RBFOX3: variants seen among roughly 807,000 people sequenced by gnomAD.
RBFOX3 encodes the protein RNA binding protein fox-1 homolog 3.
Under a neutral mutation model 48.7 loss-of-function variants are expected in RBFOX3, and 17 were observed. The observed-to-expected ratio is 0.35, with a 90% CI of 0.24 to 0.52. RBFOX3 has a LOEUF of 0.52. Among genes scored for constraint, RBFOX3 ranks in the 20% least tolerant of loss-of-function variants. The probability of loss-of-function intolerance (pLI) is 0.94; values close to 1 mark genes in which losing one functional copy is unlikely to be tolerated. For synonymous variants in RBFOX3, 212 were observed against 209.5 expected, an observed-to-expected ratio of 1.01 and a Z score of -0.10; for missense variants, 382 against 497.5, an observed-to-expected ratio of 0.77 and a Z score of 2.21.
At position 79,571,560 on chromosome 17, in the gene RBFOX3, G is replaced by T. The variant is rs1341337587; in HGVS notation, c.-320+39266C>A. ...CACTCTCTTCCATCACAGAAATTCAGATTTAAATGGAAGTGTACCAGGATA... is the reference window on the plus strand; with the variant it reads ...CACTCTCTTCCATCACAGAAATTCATATTTAAATGGAAGTGTACCAGGATA... On this transcript the variant is annotated intron_variant, in intron 1 of 14. Coordinates refer to ENST00000693108, the MANE Select transcript of RBFOX3 (RefSeq NM_001350451.2). Among the ~76,000 whole-genome samples, 123 of 134,046 alleles carry T rather than the reference G, an allele frequency of 9.2e-4. 5 individuals carry two copies. The Admixed American group carries it at 0.011, about 12-fold the overall frequency. The allele number at this position is 134,046 out of a possible 152,430, so 87.9% of individuals were successfully genotyped here. A position where few individuals can be genotyped will look rare whatever the true frequency, so the allele number is the denominator to read the frequency against.
chr17:79,439,693 T>G (rs1187587175), intron 2 of RBFOX3, among the ~76,000 whole-genome samples: 1 of 152,230 alleles, frequency 6.6e-6, no homozygotes, highest in Non-Finnish European at 1.5e-5. Flanking sequence ...CACACGTGCC[T>G]CTGCACATGC....
the RBFOX3 span, among the ~76,000 whole-genome samples, chr17:79,617,474 A>C: frequency 2.6e-5 from 4 of 151,920 alleles, no homozygotes; most frequent in Non-Finnish European, 5.9e-5. Flanking sequence ...CTGAATCACA[A>C]ACAGCCAGGC....
intron 1 of RBFOX3, among the ~76,000 whole-genome samples, chr17:79,558,387 G>C (rs1055786131): frequency 5.1e-4 from 77 of 152,352 alleles, no homozygotes; most frequent in Non-Finnish European, 2.6e-4. Flanking sequence ...CTGGCAGACA[G>C]CAGGGAACCG....
intron 2 of RBFOX3, among the ~76,000 whole-genome samples, chr17:79,428,712 C>T (rs1242517775): frequency 9.2e-5 from 14 of 152,202 alleles, no homozygotes; most frequent in Admixed American, 3.3e-4. Flanking sequence ...GCTCACGTCC[C>T]CAGCAGGACG....
chr17:79,471,532 G>A lies in RBFOX3; in HGVS notation c.-175+10922C>T, dbSNP rs761852555. On this transcript the variant is annotated intron_variant, in intron 2 of 14. Coordinates refer to ENST00000693108, the MANE Select transcript of RBFOX3 (RefSeq NM_001350451.2). This position sits in a 1 kb window ranked among gnomAD's most constrained non-coding sequence, Gnocchi z 4.0. Reference sequence around the variant, plus strand: ...ATTTGTTTTGGTGGCTGAGGCAGCCGCCAGTTACCCAGTACTGTGGGTACA... The same window carrying A: ...ATTTGTTTTGGTGGCTGAGGCAGCCACCAGTTACCCAGTACTGTGGGTACA... Among the ~76,000 whole-genome samples, 4 of 152,176 alleles carry A rather than the reference G, an allele frequency of 2.6e-5. No homozygotes were observed. The highest frequency in any genetic ancestry group is 4.4e-5 in the Non-Finnish European group (3 of 68,038).
intron 1 of RBFOX3, among the ~76,000 whole-genome samples, chr17:79,531,585 C>G (rs1455124142): frequency 3.3e-5 from 5 of 152,176 alleles, no homozygotes; most frequent in African/African-American, 1.2e-4. Flanking sequence ...GAAGGGAAAA[C>G]CTTTCCCAAA....
intron 2 of RBFOX3, among the ~76,000 whole-genome samples, chr17:79,382,213 A>G (rs1264865119): frequency 1.3e-5 from 2 of 152,134 alleles, no homozygotes; most frequent in African/African-American, 4.8e-5. Flanking sequence ...GGTCACATTC[A>G]CTGAAGCAAG....
chr17:79,272,247 C>T lies in RBFOX3; in HGVS notation c.-74+35477G>A, dbSNP rs564359543. The stretch of plus-strand genomic sequence containing the variant: ...GTTACATGGCCTTTGTGGCTGGGGG[C>T]GGGGGGCTCTGCTGATCTCGGGGTT... On this transcript the variant is annotated intron_variant, in intron 3 of 14. Coordinates refer to ENST00000693108, the MANE Select transcript of RBFOX3 (RefSeq NM_001350451.2). 5.3e-5 allele frequency among the ~76,000 whole-genome samples: 8 copies of T among 151,688 alleles called. No individual in the cohort carries two copies. The South Asian group carries it at 1.3e-3, about 24-fold the overall frequency.
At chr17:79,433,667 G>A (rs994657996) in intron 2 of RBFOX3, among the ~76,000 whole-genome samples, 2 of 151,994 alleles carry the variant, frequency 1.3e-5, no homozygotes, top group African/African-American at 2.4e-5. Context: ...GCTTGAAGCA[G>A]CTGCAGCACC....
chr17:79,609,888 G>C (rs1211048496), intron 1 of RBFOX3, among the ~76,000 whole-genome samples: 1 of 151,732 alleles, frequency 6.6e-6, no homozygotes, highest in Non-Finnish European at 1.5e-5. Context: ...CCGAGCGTGC[G>C]AGCCCAACAC....
chr17:79,302,496 A>G (rs1052989506), intron 3 of RBFOX3, among the ~76,000 whole-genome samples: 3 of 152,194 alleles, frequency 2.0e-5, no homozygotes, highest in East Asian at 1.9e-4. Context: ...CCTGGCCAAC[A>G]TGGTGAAACC....
chr17:79,540,287 T>C (rs1449349167), intron 1 of RBFOX3, among the ~76,000 whole-genome samples: 1 of 152,248 alleles, frequency 6.6e-6, no homozygotes, highest in Non-Finnish European at 1.5e-5. Flanking sequence ...CTGAGAGACC[T>C]GAGTCTCTAG....
At chr17:79,583,584 C>G (rs977285725) in intron 1 of RBFOX3, among the ~76,000 whole-genome samples, 10,848 of 152,154 alleles carry the variant, frequency 0.071, 982 homozygotes, top group African/African-American at 0.2. Context: ...GGATCAATGA[C>G]AAGGTCAAGG....
At chr17:79,279,679 C>A (rs1291758660) in intron 3 of RBFOX3, among the ~76,000 whole-genome samples, 1 of 152,240 alleles carries the variant, frequency 6.6e-6, no homozygotes, top group Non-Finnish European at 1.5e-5. Context: ...TCCCCACAGC[C>A]AGCAAGGCAC....
chr17:79,624,959 G>A, the RBFOX3 span, among the ~76,000 whole-genome samples: 1 of 152,128 alleles, frequency 6.6e-6, no homozygotes, highest in South Asian at 2.1e-4. Context: ...TCAGAGACTG[G>A]GGAAGGCAGC....
intron 1 of RBFOX3, among the ~76,000 whole-genome samples, chr17:79,502,105 A>T: frequency 6.6e-6 from 1 of 151,850 alleles, no homozygotes; most frequent in Non-Finnish European, 1.5e-5. Flanking sequence ...ATAAGCCTCA[A>T]TGTGCTCATC....
At chr17:79,379,405 C>A (rs1281445891) in intron 2 of RBFOX3, among the ~76,000 whole-genome samples, 1 of 152,152 alleles carries the variant, frequency 6.6e-6, no homozygotes, top group Non-Finnish European at 1.5e-5. Flanking sequence ...TCTGATTCTA[C>A]CCCGTTTTCG....
At chr17:79,273,168 C>T (rs2068052130) in intron 3 of RBFOX3, among the ~76,000 whole-genome samples, 1 of 152,150 alleles carries the variant, frequency 6.6e-6, no homozygotes, top group African/African-American at 2.4e-5. Context: ...CTGCCTGTGC[C>T]AGCAGATCCA....
At chr17:79,106,092 C>T (rs2077302932) in intron 6 of RBFOX3, among the ~76,000 whole-genome samples, 1 of 152,234 alleles carries the variant, frequency 6.6e-6, no homozygotes, top group South Asian at 2.1e-4. Flanking sequence ...GGCTTCACTT[C>T]CCATTGACTG....
Sources: allele counts gnomAD v4.1 joint callset (sites outside exome capture counted in the v4.1 genomes callset), GRCh38; gene constraint gnomAD v4.1.1; non-coding constraint Gnocchi (gnomAD v3.1); transcripts MANE v1.5; gene names NCBI Gene and HGNC (gene_info 2026-07-23, HGNC 2026-07-21).